TENM2: variants seen among roughly 807,000 people sequenced by gnomAD.
TENM2 encodes teneurin-2.
A neutral mutation model predicts 245.2 loss-of-function variants in TENM2; 52 were observed. That is an observed-to-expected ratio of 0.21 (90% CI 0.17 to 0.27). TENM2 has a LOEUF of 0.27. Among genes scored for constraint, TENM2 ranks in the 10% least tolerant of loss-of-function variants. TENM2 has a pLI of 1.00. For synonymous variants in TENM2, 1,363 were observed against 1,438.9 expected (o/e 0.95, Z 1.19); for missense variants, 3,046 against 3,666.8 (o/e 0.83, Z 4.37).
chr5:167,740,610 C>A (rs1761115243), intron 2 of TENM2, among the ~76,000 whole-genome samples: 1 of 152,136 alleles, frequency 6.6e-6, no homozygotes, highest in Non-Finnish European at 1.5e-5. Context: ...CCGCGTGCTA[C>A]CTGATTCTTA....
intron 2 of TENM2, among the ~76,000 whole-genome samples, chr5:167,803,583 C>T (rs984467834): frequency 2.0e-5 from 3 of 152,074 alleles, no homozygotes; most frequent in Admixed American, 2.0e-4. Flanking sequence ...TACCAGGACA[C>T]AGATCTGATA....
the TENM2 span, among the ~76,000 whole-genome samples, chr5:167,134,753 G>C: frequency 6.6e-6 from 1 of 152,192 alleles, no homozygotes; most frequent in South Asian, 2.1e-4. Flanking sequence ...GCTGAAGAAA[G>C]TATTATCTTA....
chr5:167,779,160 G>A (rs145817841), intron 2 of TENM2, among the ~76,000 whole-genome samples: 35 of 152,298 alleles, frequency 2.3e-4, no homozygotes, highest in Admixed American at 1.2e-3. Context: ...AGTGGTGAGC[G>A]GTAGCTCTGC....
the TENM2 span, among the ~76,000 whole-genome samples, chr5:166,998,839 C>A: frequency 6.6e-6 from 1 of 151,900 alleles, no homozygotes; most frequent in Non-Finnish European, 1.5e-5. Context: ...GAAGCCTTTA[C>A]GTTTTAGAAA....
At chr5:167,102,754 G>A in the TENM2 span, among the ~76,000 whole-genome samples, 8 of 152,230 alleles carry the variant, frequency 5.3e-5, no homozygotes, top group South Asian at 2.1e-4. Context: ...CGCCTCCCAG[G>A]TTCATGCGAT....
At chr5:167,582,962 T>C (rs1392538699) in intron 2 of TENM2, among the ~76,000 whole-genome samples, 2 of 152,176 alleles carry the variant, frequency 1.3e-5, no homozygotes, top group Admixed American at 6.5e-5. Context: ...TATTAGAAAA[T>C]TGTGATTTAT....
At chr5:168,125,807 A>T (rs1795808187) in intron 11 of TENM2, among the ~76,000 whole-genome samples, 1 of 152,076 alleles carries the variant, frequency 6.6e-6, no homozygotes, top group Non-Finnish European at 1.5e-5. Context: ...TTCTCAGCCC[A>T]CTTGACTCTG....
At chr5:167,250,998 A>G in the TENM2 span, among the ~76,000 whole-genome samples, 2 of 152,148 alleles carry the variant, frequency 1.3e-5, no homozygotes, top group African/African-American at 4.8e-5. Flanking sequence ...CTCTTTTGAG[A>G]AAGAATAAAC....
intron 2 of TENM2, among the ~76,000 whole-genome samples, chr5:167,705,147 G>A (rs1353074320): frequency 6.6e-6 from 1 of 152,082 alleles, no homozygotes; most frequent in Non-Finnish European, 1.5e-5. Flanking sequence ...ATAGAAGACT[G>A]GAACTTTTTA....
intron 2 of TENM2, among the ~76,000 whole-genome samples, chr5:167,457,912 A>C (rs2127486685): frequency 6.6e-6 from 1 of 152,288 alleles, no homozygotes; most frequent in South Asian, 2.1e-4. Context: ...CAAAATATTT[A>C]CCAAACATGC....
the TENM2 span, among the ~76,000 whole-genome samples, chr5:167,098,950 C>T: frequency 1.3e-5 from 2 of 152,190 alleles, no homozygotes; most frequent in African/African-American, 2.4e-5. Flanking sequence ...AGCAGCTCTG[C>T]AGCCAGGGCC....
the TENM2 span, among the ~76,000 whole-genome samples, chr5:167,143,890 G>C: frequency 6.6e-6 from 1 of 152,046 alleles, no homozygotes; most frequent in Admixed American, 6.6e-5. Context: ...GCAGTTGACT[G>C]GCACTTTTAC....
chr5:167,136,047 T>A, the TENM2 span, among the ~76,000 whole-genome samples: 2 of 152,232 alleles, frequency 1.3e-5, no homozygotes, highest in Non-Finnish European at 2.9e-5. Context: ...ATGTACAATT[T>A]CTAAGCCTCA....
the TENM2 span, among the ~76,000 whole-genome samples, chr5:167,236,957 A>C: frequency 6.6e-6 from 1 of 151,020 alleles, no homozygotes; most frequent in Non-Finnish European, 1.5e-5. Context: ...CTTTTTCCTA[A>C]GTAAATGTTA....
At chr5:167,913,134 G>T (rs1297550217) in intron 3 of TENM2, among the ~76,000 whole-genome samples, 1 of 152,140 alleles carries the variant, frequency 6.6e-6, no homozygotes, top group Admixed American at 6.5e-5. Flanking sequence ...CCATGGGGGC[G>T]CTCACCCAAG....
At chr5:167,870,996 G>A (rs1179081082) in intron 2 of TENM2, among the ~76,000 whole-genome samples, 4 of 152,110 alleles carry the variant, frequency 2.6e-5, no homozygotes, top group Admixed American at 2.0e-4. Flanking sequence ...ATATTAAAAA[G>A]GGTTGGGCAG....
chr5:167,026,188 A>G, the TENM2 span, among the ~76,000 whole-genome samples: 49 of 152,260 alleles, frequency 3.2e-4, no homozygotes, highest in African/African-American at 1.1e-3. Context: ...AATCTGGCGC[A>G]TAATCCTGTT....
intron 3 of TENM2, among the ~76,000 whole-genome samples, chr5:167,883,290 A>C (rs1257506110): frequency 1.3e-5 from 2 of 152,250 alleles, no homozygotes. Context: ...GGCATTGTTA[A>C]CTTGCCTAGC....
At chr5:167,003,565 A>C in the TENM2 span, among the ~76,000 whole-genome samples, 1 of 152,160 alleles carries the variant, frequency 6.6e-6, no homozygotes, top group South Asian at 2.1e-4. Flanking sequence ...ATTGTGACGA[A>C]AATGTCGGTT....
Sources: allele counts gnomAD v4.1 joint callset (sites outside exome capture counted in the v4.1 genomes callset), GRCh38; gene constraint gnomAD v4.1.1; transcripts MANE v1.5; gene names NCBI Gene and HGNC (gene_info 2026-07-23, HGNC 2026-07-21).